STAG1: variants seen among roughly 807,000 people sequenced by gnomAD.
The protein encoded by STAG1 is cohesin subunit SA-1.
In STAG1, 26 loss-of-function variants were observed where a neutral mutation model predicts 170.9. The ratio of observed to expected loss-of-function variants is 0.15; its 90% CI spans 0.11 to 0.21. The LOEUF is 0.21. STAG1 is among the 10% of genes least tolerant of loss of function. The pLI, the probability that STAG1 is intolerant of heterozygous loss-of-function variation, is 1.00. For missense variants in STAG1, 964 were observed against 1,509.5 expected (o/e 0.64, Z 5.99); for synonymous variants, 514 against 497.7 (o/e 1.03, Z -0.44).
chr3:136,742,618 G>A (rs1363547634), intron 1 of STAG1, among the ~76,000 whole-genome samples: 6 of 151,572 alleles, frequency 4.0e-5, no homozygotes, highest in Admixed American at 6.6e-5. Context: ...TGGAGACTGA[G>A]ACAGGAGAAT....
intron 1 of STAG1, among the ~76,000 whole-genome samples, chr3:136,722,838 C>T (rs1413243186): frequency 1.3e-5 from 2 of 152,056 alleles, no homozygotes; most frequent in Admixed American, 6.5e-5. Context: ...ATTGCAGGCG[C>T]GCGCCACCAC....
At chr3:136,548,702 A>G (rs1019308693) in intron 5 of STAG1, among the ~76,000 whole-genome samples, 1 of 151,778 alleles carries the variant, frequency 6.6e-6, no homozygotes, top group African/African-American at 2.4e-5. Flanking sequence ...TCTTTCATCA[A>G]TGTTTTGTTG....
intron 22 of STAG1, among the ~76,000 whole-genome samples, chr3:136,378,643 G>C (rs1937751078): frequency 1.3e-5 from 2 of 152,180 alleles, no homozygotes; most frequent in African/African-American, 4.8e-5. Context: ...ATTCCAGCCT[G>C]GGTGACAGAG....
chr3:136,353,276 G>A (rs987948577), intron 28 of STAG1, among the ~76,000 whole-genome samples: 5 of 152,220 alleles, frequency 3.3e-5, no homozygotes, highest in African/African-American at 9.6e-5. Flanking sequence ...GGTAGCAGAC[G>A]AAAAAGCAGA....
intron 1 of STAG1, among the ~76,000 whole-genome samples, chr3:136,705,461 C>T (rs977716532): frequency 1.3e-5 from 2 of 151,618 alleles, no homozygotes; most frequent in Admixed American, 1.3e-4. Flanking sequence ...TTGCTGTGTC[C>T]CCACCCAGAT....
chr3:136,681,819 C>CA (rs1181930670), intron 1 of STAG1, among the ~76,000 whole-genome samples: 3 of 151,932 alleles, frequency 2.0e-5, no homozygotes, highest in Non-Finnish European at 4.4e-5. Context: ...TGACAAAATT[C>CA]AAAAGCCTTG....
At chr3:136,351,213 T>C (rs1054879944) in intron 28 of STAG1, among the ~76,000 whole-genome samples, 5 of 151,912 alleles carry the variant, frequency 3.3e-5, no homozygotes, top group Non-Finnish European at 7.4e-5. Flanking sequence ...ATTGGAAGAA[T>C]GCTTTATCAC....
intron 1 of STAG1, among the ~76,000 whole-genome samples, chr3:136,692,418 T>A (rs1942758008): frequency 6.6e-6 from 1 of 150,938 alleles, no homozygotes; most frequent in Admixed American, 6.6e-5. Flanking sequence ...GCAGATCACC[T>A]GAGGTCAAGA....
At chr3:136,622,398 A>G (rs1205225513) in intron 3 of STAG1, among the ~76,000 whole-genome samples, 3 of 152,030 alleles carry the variant, frequency 2.0e-5, no homozygotes, top group Admixed American at 2.0e-4. Context: ...GTCTAGAATG[A>G]CCTTAAAAAT....
At chr3:136,589,633 A>G (rs111637400) in intron 4 of STAG1, among the ~76,000 whole-genome samples, 3 of 145,022 alleles carry the variant, frequency 2.1e-5, no homozygotes, top group African/African-American at 7.7e-5. Context: ...GGAGCCAAAA[A>G]AAAAAAAAAA....
At chr3:136,654,901 G>A (rs1941326299) in intron 1 of STAG1, among the ~76,000 whole-genome samples, 1 of 152,172 alleles carries the variant, frequency 6.6e-6, no homozygotes, top group African/African-American at 2.4e-5. Context: ...ATGGAGAAAG[G>A]ACAGTCGTTT....
chr3:136,646,462 C>T (rs750409552), intron 1 of STAG1, among the ~76,000 whole-genome samples: 2 of 152,158 alleles, frequency 1.3e-5, no homozygotes, highest in Non-Finnish European at 2.9e-5. Context: ...TATGAATTAT[C>T]GGTTCAACTT....
At chr3:136,377,406 GTC>G (rs1169003580) in intron 23 of STAG1, among the ~76,000 whole-genome samples, 2 of 27,846 alleles carry the variant, frequency 7.2e-5, no homozygotes, top group African/African-American at 2.5e-4. Flanking sequence ...AAAAAAAAAA[GTC>G]TACATTTCAA....
intron 1 of STAG1, among the ~76,000 whole-genome samples, chr3:136,681,596 T>A (rs1224660848): frequency 6.6e-6 from 1 of 152,138 alleles, no homozygotes; most frequent in Non-Finnish European, 1.5e-5. Context: ...TGGCATTACA[T>A]TTTTTTAAAA....
chr3:136,515,656 A>T (rs1321984927), intron 7 of STAG1, among the ~76,000 whole-genome samples: 1 of 152,246 alleles, frequency 6.6e-6, no homozygotes, highest in East Asian at 1.9e-4. Flanking sequence ...CTGGCTGCCA[A>T]AAGAAAGCTA....
At chr3:136,420,906 C>T (rs2087934897) in intron 20 of STAG1, among the ~76,000 whole-genome samples, 187 bp downstream of exon 20, 1 of 152,172 alleles carries the variant, frequency 6.6e-6, no homozygotes, top group Non-Finnish European at 1.5e-5. Flanking sequence ...GCCTCAGCCT[C>T]CTGAGTAGCT....
At chr3:136,498,696 A>G (rs1462412164) in intron 9 of STAG1, among the ~76,000 whole-genome samples, 1 of 148,254 alleles carries the variant, frequency 6.7e-6, no homozygotes, top group African/African-American at 2.5e-5. Context: ...AGTTGCAGTA[A>G]AAAAAAAAAA....
intron 9 of STAG1, among the ~76,000 whole-genome samples, chr3:136,491,808 C>A (rs774583027): frequency 6.6e-6 from 1 of 152,120 alleles, no homozygotes; most frequent in Non-Finnish European, 1.5e-5. Flanking sequence ...GCCAGGCCAA[C>A]ATGGTGAAAC....
At chr3:136,454,496 G>A (rs2089048249) in intron 13 of STAG1, among the ~76,000 whole-genome samples, 1 of 150,984 alleles carries the variant, frequency 6.6e-6, no homozygotes, top group African/African-American at 2.4e-5. Flanking sequence ...CTCCTGTCTC[G>A]GCCTCTGGAG....
Sources: gnomAD v4.1 joint callset for allele counts (sites outside exome capture counted in the v4.1 genomes callset) on GRCh38, gnomAD v4.1.1 for gene constraint, MANE v1.5 for transcripts, NCBI Gene and HGNC (gene_info 2026-07-23, HGNC 2026-07-21) for gene names.